The following RNASE3 variants were observed in gnomAD, a reference collection of about 807,000 sequenced individuals.
The protein encoded by RNASE3 is ribonuclease A family member 3, also known as eosinophil cationic protein.
For missense variants in RNASE3, 192 were observed against 205.3 expected (o/e 0.94, Z 0.40); for synonymous variants, 66 against 72.0 (o/e 0.92, Z 0.42).
In RNASE3 at chr14:20,891,828, C is replaced by G. The variant is rs202232277; in HGVS notation, c.142C>G (p.Pro48Ala). 4.5e-4 allele frequency: 719 copies of G among 1,612,750 alleles called. No individual in the cohort carries two copies. The highest frequency in any genetic ancestry group is 5.9e-4 in the Non-Finnish European group (698 of 1,180,036). Residue 48 changes from proline to alanine, a missense_variant, in exon 2 of 2, where the codon CCT becomes GCT. Coordinates refer to ENST00000304639, the MANE Select transcript of RNASE3 (RefSeq NM_002935.3). ...CATCCAGCACATCAGTCTGAACCCC[C>G]CTCGATGCACCATTGCAATGCGGGC... ...FAIQHISLNP[P>A]RCTIAMRAIN...
chr14:20,891,796 G>T lies in RNASE3; in HGVS notation c.110G>T (p.Trp37Leu). The T allele has an allele frequency of 2.0e-5, 32 of 1,612,832 alleles. No homozygotes were observed. The highest frequency in any genetic ancestry group is 1.7e-4 in the Middle Eastern group (1 of 6,058). Residue 37 changes from tryptophan (W) to leucine (L), a missense_variant, in exon 2 of 2, where the codon TGG (tryptophan) becomes TTG (leucine). Trp to Leu is a moderately conservative substitution (Grantham distance 61). Transcript: ENST00000304639. ...CCCCCACAGTTTACGAGGGCTCAGTGGTTTGCCATCCAGCACATCAGTCTG... is the reference window on the plus strand; with the variant it reads ...CCCCCACAGTTTACGAGGGCTCAGTTGTTTGCCATCCAGCACATCAGTCTG... Reference protein sequence around the residue: ...ARPPQFTRAQWFAIQHISLNP... With the variant: ...ARPPQFTRAQLFAIQHISLNP...
Position 20,891,782 on chromosome 14 carries a change from T to TA in RNASE3, c.97dup (p.Thr33AsnfsTer26), listed in dbSNP as rs749108905. The TA allele has an allele frequency of 1.2e-6, 2 of 1,612,850 alleles. No homozygotes were observed. The highest frequency in any genetic ancestry group is 1.7e-6 in the Non-Finnish European group (2 of 1,180,024). On this transcript the variant is annotated frameshift_variant, in exon 2 of 2. Transcript: ENST00000304639. LOFTEE classifies it low-confidence loss of function (END_TRUNC). ...CACTCCATGCCAGACCCCCACAGTT[T>TA]ACGAGGGCTCAGTGGTTTGCCATCC...
Position 20,892,321 on chromosome 14 carries a change from C to T in RNASE3, c.*152C>T, listed in dbSNP as rs1171331274. On this transcript the variant is annotated 3_prime_UTR_variant, in exon 2 of 2. Coordinates refer to ENST00000304639, the MANE Select transcript of RNASE3 (RefSeq NM_002935.3). Reference sequence around the variant, plus strand: ...TTCCTGAGCTGAAGTCCCTTGTGAACCCTGCAATAAACTGCTTTGCAAATT... The same window carrying T: ...TTCCTGAGCTGAAGTCCCTTGTGAATCCTGCAATAAACTGCTTTGCAAATT... 1.7e-5 allele frequency: 18 copies of T among 1,085,892 alleles called. No individual in the cohort carries two copies. Among genetic ancestry groups the T allele is most frequent in the Admixed American group, 9.5e-5 (4 of 42,158 alleles). The allele number at this position is 1,085,892 out of a possible 1,614,324, so 67.3% of individuals were successfully genotyped here.
chr14:20,892,315 T>C lies in RNASE3; in HGVS notation c.*146T>C. On this transcript the variant is annotated 3_prime_UTR_variant, in exon 2 of 2. Transcript: ENST00000304639. ...TCAGCTTTCCTGAGCTGAAGTCCCT[T>C]GTGAACCCTGCAATAAACTGCTTTG... 8.8e-7 allele frequency: 1 copy of C among 1,132,992 alleles called. No homozygotes were observed. The highest frequency in any genetic ancestry group is 2.3e-5 in the Admixed American group (1 of 42,622). The allele number at this position is 1,132,992 out of a possible 1,614,324, so 70.2% of individuals were successfully genotyped here.
Position 20,892,335 on chromosome 14 carries a change from G to A in RNASE3, c.*166G>A, listed in dbSNP as rs373296643. ...TCCCTTGTGAACCCTGCAATAAACT[G>A]CTTTGCAAATTCATCTGGAAGTGTC... On this transcript the variant is annotated 3_prime_UTR_variant, in exon 2 of 2. Transcript: ENST00000304639. The A allele has an allele frequency of 2.1e-5, 19 of 918,330 alleles. 1 individual carries two copies. In the East Asian group the frequency reaches 3.4e-4, roughly 17 times the overall value. The allele number at this position is 918,330 out of a possible 1,614,324, so 56.9% of individuals were successfully genotyped here.
At position 20,891,928 on chromosome 14, in the gene RNASE3, TTTGTGGTAACCAAAGTATACG is replaced by T; in HGVS notation, c.243_263del (p.Gly83_Cys89del). 6.2e-7 allele frequency: 1 copy of T among 1,613,024 alleles called. No homozygotes were observed. The highest frequency in any genetic ancestry group is 8.5e-7 in the Non-Finnish European group (1 of 1,180,042). ...ACAACTTTTGCTAATGTAGTTAATG[TTTGTGGTAACCAAAGTATACG>T]CTGCCCTCATAACAGAACTCTCAAC... On this transcript the variant is annotated inframe_deletion, in exon 2 of 2. Coordinates refer to ENST00000304639, the MANE Select transcript of RNASE3 (RefSeq NM_002935.3).
rs1468539592 is a variant in RNASE3 at position 20,892,341 on chromosome 14, C to A, written c.*172C>A. ...GTGAACCCTGCAATAAACTGCTTTG[C>A]AAATTCATCTGGAAGTGTCTGTGTG... On this transcript the variant is annotated 3_prime_UTR_variant, in exon 2 of 2. Transcript: ENST00000304639. The A allele has an allele frequency of 1.1e-5, 9 of 852,380 alleles. No homozygotes were observed. The highest frequency in any genetic ancestry group is 1.7e-5 in the South Asian group (1 of 57,578). The allele number at this position is 852,380 out of a possible 1,614,324, so 52.8% of individuals were successfully genotyped here.
At chr14:20,891,575 A>G in intron 1 of RNASE3, 107 bp from the exon 2 acceptor site, 3 of 1,441,338 alleles carry the variant, frequency 2.1e-6, no homozygotes, top group Non-Finnish European at 1.9e-6. Context: ...AGAAAAGGAA[A>G]TGCGACCCCA....
In RNASE3 at chr14:20,892,173, C is replaced by T; in HGVS notation, c.*4C>T. On this transcript the variant is annotated 3_prime_UTR_variant, in exon 2 of 2. Coordinates refer to ENST00000304639, the MANE Select transcript of RNASE3 (RefSeq NM_002935.3). ...TCACCTGGATACCACCATCTAAGCT[C>T]CTGTATCAGCAGTCCTCATCATCAC... 6.2e-7 allele frequency: 1 copy of T among 1,603,818 alleles called. No homozygotes were observed. Among genetic ancestry groups the T allele is most frequent in the Non-Finnish European group, 8.5e-7 (1 of 1,175,730 alleles).
At position 20,891,722 on chromosome 14, in the gene RNASE3, G is replaced by A; in HGVS notation, c.36G>A (p.Leu12=). The A allele has an allele frequency of 6.2e-7, 1 of 1,611,520 alleles. No homozygotes were observed. Among genetic ancestry groups the A allele is most frequent in the East Asian group, 2.2e-5 (1 of 44,858 alleles). Residue 12 remains leucine, a synonymous_variant, in exon 2 of 2, where the codon CTG becomes CTA. Coordinates refer to ENST00000304639, the MANE Select transcript of RNASE3 (RefSeq NM_002935.3). The part of the protein sequence containing the change: ...VPKLFTSQIC[L]LLLLGLMGVE... ...AACTGTTCACTTCCCAAATTTGTCT[G>A]CTTCTTCTGTTGGGGCTTATGGGTG...
In RNASE3 at chr14:20,892,301, G is replaced by C. The variant is rs1473904757; in HGVS notation, c.*132G>C. On this transcript the variant is annotated 3_prime_UTR_variant, in exon 2 of 2. Coordinates refer to ENST00000304639, the MANE Select transcript of RNASE3 (RefSeq NM_002935.3). ...GTCTCCATACCCCTTCAGCTTTCCTGAGCTGAAGTCCCTTGTGAACCCTGC... is the reference window on the plus strand; with the variant it reads ...GTCTCCATACCCCTTCAGCTTTCCTCAGCTGAAGTCCCTTGTGAACCCTGC... 1.6e-6 allele frequency: 2 copies of C among 1,260,912 alleles called. No homozygotes were observed. Among genetic ancestry groups the C allele is most frequent in the Non-Finnish European group, 2.2e-6 (2 of 903,956 alleles). The allele number at this position is 1,260,912 out of a possible 1,614,324, so 78.1% of individuals were successfully genotyped here.
chr14:20,892,253 G>C lies in RNASE3; in HGVS notation c.*84G>C. The C allele has an allele frequency of 1.3e-6, 2 of 1,528,694 alleles. No individual in the cohort carries two copies. The highest frequency in any genetic ancestry group is 1.8e-6 in the Non-Finnish European group (2 of 1,137,720). 94.7% of individuals were successfully genotyped at this position (1,528,694 alleles called of 1,614,324 possible). On this transcript the variant is annotated 3_prime_UTR_variant, in exon 2 of 2. Coordinates refer to ENST00000304639, the MANE Select transcript of RNASE3 (RefSeq NM_002935.3). ...AGATCCCATCCCTCCATGTACTCTG[G>C]GTATCAGCAACTGTCCTCATCAGTC...
In RNASE3 at chr14:20,891,849, C is replaced by A. The variant is rs115812876; in HGVS notation, c.163C>A (p.Arg55=). The change falls in exon 2 of 2, where the codon CGG becomes AGG. Residue 55 remains arginine (R), a synonymous_variant. Coordinates refer to ENST00000304639, the MANE Select transcript of RNASE3 (RefSeq NM_002935.3). ...CCCCCCTCGATGCACCATTGCAATGCGGGCAATTAACAATTATCGATGGCG... is the reference window on the plus strand; with the variant it reads ...CCCCCCTCGATGCACCATTGCAATGAGGGCAATTAACAATTATCGATGGCG... ...LNPPRCTIAM[R]AINNYRWRCK... is the part of the protein sequence containing the mutation. The A allele has an allele frequency of 1.9e-6, 3 of 1,612,758 alleles. No individual in the cohort carries two copies. Among genetic ancestry groups the A allele is most frequent in the African/African-American group, 1.4e-5 (1 of 73,700 alleles).
chr14:20,892,258 C>G lies in RNASE3; in HGVS notation c.*89C>G, dbSNP rs1877585858. Reference sequence around the variant, plus strand: ...CCATCCCTCCATGTACTCTGGGTATCAGCAACTGTCCTCATCAGTCTCCAT... The same window carrying G: ...CCATCCCTCCATGTACTCTGGGTATGAGCAACTGTCCTCATCAGTCTCCAT... On this transcript the variant is annotated 3_prime_UTR_variant, in exon 2 of 2. Coordinates refer to ENST00000304639, the MANE Select transcript of RNASE3 (RefSeq NM_002935.3). 6.6e-7 allele frequency: 1 copy of G among 1,516,902 alleles called. No homozygotes were observed. The highest frequency in any genetic ancestry group is 8.9e-7 in the Non-Finnish European group (1 of 1,127,698). 94.0% of individuals were successfully genotyped at this position (1,516,902 alleles called of 1,614,324 possible).
Position 20,891,542 on chromosome 14 carries a change from T to A in RNASE3, c.-6+91T>A, listed in dbSNP as rs561911095. ...TGAGCTGAAGTTAGTGCTTAGGAGA[T>A]GTGGCACACTTTGGGGACAGGAAGA... On this transcript the variant is annotated intron_variant, in intron 1 of 1. Coordinates refer to ENST00000304639, the MANE Select transcript of RNASE3 (RefSeq NM_002935.3). 9.3e-5 allele frequency: 105 copies of A among 1,133,574 alleles called. 7 individuals are homozygous for A. The African/African-American group carries it at 1.3e-3, about 14-fold the overall frequency. 70.2% of individuals were successfully genotyped at this position (1,133,574 alleles called of 1,614,324 possible).
At position 20,892,058 on chromosome 14, in the gene RNASE3, G is replaced by C. The variant is rs151107727; in HGVS notation, c.372G>C (p.Thr124=). ...NPGAQNISNC[T]YADRPGRRFY... ...GTGCACAGAATATTTCAAACTGCAC[G>C]TATGCAGACAGACCAGGAAGGAGGT... is the stretch of plus-strand genomic sequence containing the variant. The change falls in exon 2 of 2, where the codon ACG becomes ACC. Residue 124 remains threonine (T), a synonymous_variant. Transcript: ENST00000304639. The C allele has an allele frequency of 6.8e-6, 11 of 1,612,544 alleles. No individual in the cohort carries two copies. The highest frequency in any genetic ancestry group is 9.3e-6 in the Non-Finnish European group (11 of 1,179,990).
At position 20,891,791 on chromosome 14, in the gene RNASE3, T is replaced by C; in HGVS notation, c.105T>C (p.Ala35=). 1 of 1,612,880 alleles carries C rather than the reference T, an allele frequency of 6.2e-7. No individual in the cohort carries two copies. The highest frequency in any genetic ancestry group is 8.5e-7 in the Non-Finnish European group (1 of 1,180,024). ...LHARPPQFTR[A]QWFAIQHISL... ...CCAGACCCCCACAGTTTACGAGGGC[T>C]CAGTGGTTTGCCATCCAGCACATCA... The change falls in exon 2 of 2, where the codon GCT becomes GCC. Residue 35 remains alanine, a synonymous_variant. Transcript: ENST00000304639.
Position 20,891,454 on chromosome 14 carries a change from A to C in RNASE3, c.-6+3A>C. 1 of 577,656 alleles carries C rather than the reference A, an allele frequency of 1.7e-6. No homozygotes were observed. The highest frequency in any genetic ancestry group is 3.0e-6 in the Non-Finnish European group (1 of 332,418). The allele number at this position is 577,656 out of a possible 1,614,324, so 35.8% of individuals were successfully genotyped here. On this transcript the variant is annotated splice_donor_region_variant and intron_variant, in intron 1 of 1. Transcript: ENST00000304639. Reference sequence around the variant, plus strand: ...AGGAGCCACAGCTCAGAGACTGGGTAAGTCAACAATCCCCAGAGCTGGGAC... The same window carrying C: ...AGGAGCCACAGCTCAGAGACTGGGTCAGTCAACAATCCCCAGAGCTGGGAC...
chr14:20,891,624 G>A (rs1566402102), intron 1 of RNASE3, 58 bp from the exon 2 acceptor site: 18 of 1,551,584 alleles, frequency 1.2e-5, no homozygotes, highest in Non-Finnish European at 1.5e-5. Flanking sequence ...AGACACTATA[G>A]AGTGTGTCAT....
Sources: gnomAD v4.1 joint callset for allele counts on GRCh38, gnomAD v4.1.1 for gene constraint, MANE v1.5 for transcripts, NCBI Gene and HGNC (gene_info 2026-07-23, HGNC 2026-07-21) for gene names.